Variants in ASIC2 observed in about 807,000 individuals in gnomAD.
ASIC2 encodes acid-sensing ion channel 2.
A neutral mutation model predicts 57.3 loss-of-function variants in ASIC2; 25 were observed. The ratio of observed to expected loss-of-function variants is 0.44; its 90% CI spans 0.32 to 0.61. ASIC2 has a LOEUF of 0.61. Ranked by LOEUF, ASIC2 falls within the 20% of genes least tolerant of loss-of-function variation. The probability of loss-of-function intolerance (pLI) is 0.06; values close to 1 mark genes in which losing one functional copy is unlikely to be tolerated. For missense variants in ASIC2, 641 were observed against 738.1 expected (o/e 0.87, Z 1.52); for synonymous variants, 319 against 307.5 (o/e 1.04, Z -0.39).
chr17:34,022,297 A>G (rs1213074975), intron 1 of ASIC2, among the ~76,000 whole-genome samples: 1 of 152,194 alleles, frequency 6.6e-6, no homozygotes, highest in Non-Finnish European at 1.5e-5. Flanking sequence ...CACCCAAAAC[A>G]TTAATGACAC....
At chr17:33,709,584 C>A (rs1301371663) in intron 1 of ASIC2, among the ~76,000 whole-genome samples, 3 of 152,214 alleles carry the variant, frequency 2.0e-5, no homozygotes, top group African/African-American at 7.2e-5. Flanking sequence ...AAGTAAATTT[C>A]TGTTGTGTAG....
At chr17:33,189,874 T>C (rs780362552) in intron 1 of ASIC2, among the ~76,000 whole-genome samples, 5 of 152,150 alleles carry the variant, frequency 3.3e-5, no homozygotes, top group Non-Finnish European at 7.4e-5. Context: ...TTCTCAACAA[T>C]GTTTATAACA....
intron 1 of ASIC2, among the ~76,000 whole-genome samples, chr17:33,146,039 C>T (rs147799101): frequency 7.2e-5 from 11 of 152,328 alleles, no homozygotes; most frequent in South Asian, 2.1e-4. Context: ...TCTTAGCACC[C>T]GCTATCTTAG....
At position 33,853,920 on chromosome 17, in the gene ASIC2, C is replaced by T. The variant is rs185619952; in HGVS notation, c.555+302058G>A. On this transcript the variant is annotated intron_variant, in intron 1 of 9. Transcript: ENST00000359872. ...TTAAGTTCTCTAGACCTCAGTTCCT[C>T]GTCTCTAAACTTCCCTTGCAGGTCT... 2.2e-4 allele frequency among the ~76,000 whole-genome samples: 33 copies of T among 152,308 alleles called. No individual in the cohort carries two copies. The East Asian group carries it at 2.3e-3, about 11-fold the overall frequency.
chr17:33,872,099 A>G (rs567053041), intron 1 of ASIC2, among the ~76,000 whole-genome samples: 16 of 152,318 alleles, frequency 1.1e-4, no homozygotes, highest in Admixed American at 9.1e-4. Context: ...CCAGCCAGAT[A>G]TCAGCCAGGA....
At chr17:33,825,734 C>T (rs964736) in intron 1 of ASIC2, among the ~76,000 whole-genome samples, 123,586 of 152,160 alleles carry the variant, frequency 0.81, 50,545 homozygotes, top group African/African-American at 0.86. Context: ...CTTTGGACAC[C>T]ATCGAATCTA....
intron 1 of ASIC2, among the ~76,000 whole-genome samples, chr17:33,582,198 C>T (rs1171562521): frequency 6.6e-6 from 1 of 152,152 alleles, no homozygotes; most frequent in East Asian, 1.9e-4. Flanking sequence ...AGGAGACTGT[C>T]ACTTAGGGGA....
intron 1 of ASIC2, among the ~76,000 whole-genome samples, chr17:33,962,434 G>A (rs935738728): frequency 6.6e-6 from 1 of 152,206 alleles, no homozygotes; most frequent in African/African-American, 2.4e-5. Context: ...GGAGGCAGAT[G>A]TTCCAGGAAA....
In ASIC2 at chr17:33,854,018, T is replaced by C. The variant is rs140584223; in HGVS notation, c.555+301960A>G. ...GCCCATCGAAGTTAAAAGTCTAAGA[T>C]CTATGATTTGACAGCTATTCTGGCT... On this transcript the variant is annotated intron_variant, in intron 1 of 9. Coordinates refer to the ASIC2 transcript ENST00000359872. Among the ~76,000 whole-genome samples, 6 of 152,328 alleles carry C rather than the reference T, an allele frequency of 3.9e-5. No homozygotes were observed. The East Asian group carries it at 1.2e-3, about 29-fold the overall frequency.
At chr17:33,713,446 A>G (rs1452253167) in intron 1 of ASIC2, among the ~76,000 whole-genome samples, 1 of 152,050 alleles carries the variant, frequency 6.6e-6, no homozygotes, top group Non-Finnish European at 1.5e-5. Flanking sequence ...CACAAGTTCA[A>G]TCTCTTCTCC....
intron 1 of ASIC2, among the ~76,000 whole-genome samples, chr17:33,640,248 G>A (rs1369098057): frequency 6.6e-6 from 1 of 152,094 alleles, no homozygotes; most frequent in Non-Finnish European, 1.5e-5. Flanking sequence ...TGGGGGCTGA[G>A]GGAGTTTTGG....
intron 1 of ASIC2, among the ~76,000 whole-genome samples, chr17:33,887,760 A>G (rs1029004707): frequency 1.2e-4 from 19 of 152,168 alleles, no homozygotes; most frequent in African/African-American, 4.6e-4. Flanking sequence ...CTTGTTTCTG[A>G]GCTAATCTGG....
At chr17:33,769,954 A>C (rs1911046476) in intron 1 of ASIC2, among the ~76,000 whole-genome samples, 1 of 152,268 alleles carries the variant, frequency 6.6e-6, no homozygotes, top group Admixed American at 6.5e-5. Context: ...GTCACCTCCC[A>C]GTACCATCAT....
At chr17:33,841,195 A>C (rs1913427290) in intron 1 of ASIC2, among the ~76,000 whole-genome samples, 1 of 152,224 alleles carries the variant, frequency 6.6e-6, no homozygotes, top group Non-Finnish European at 1.5e-5. Flanking sequence ...CAAGTTGTTG[A>C]AGATAACTAG....
chr17:33,183,351 T>C (rs1441549682), intron 1 of ASIC2, among the ~76,000 whole-genome samples: 2 of 152,186 alleles, frequency 1.3e-5, no homozygotes, highest in Non-Finnish European at 2.9e-5. Flanking sequence ...ATAATGAATA[T>C]GAGGGGAGTT....
intron 1 of ASIC2, among the ~76,000 whole-genome samples, chr17:33,832,406 T>A (rs1338678505): frequency 6.6e-6 from 1 of 152,236 alleles, no homozygotes; most frequent in Non-Finnish European, 1.5e-5. Flanking sequence ...AGTATATCAA[T>A]GTTAAACACA....
At chr17:33,934,859 T>C (rs1465668223) in intron 1 of ASIC2, among the ~76,000 whole-genome samples, 1 of 152,210 alleles carries the variant, frequency 6.6e-6, no homozygotes, top group Non-Finnish European at 1.5e-5. Flanking sequence ...CCTCAAGCTT[T>C]CCAGCTCCTA....
chr17:33,552,130 T>C (rs1367620074), intron 1 of ASIC2, among the ~76,000 whole-genome samples: 1 of 152,236 alleles, frequency 6.6e-6, no homozygotes, highest in East Asian at 1.9e-4. Context: ...AAGCAGTGTT[T>C]GCAGAGAGTT....
rs763648139 is a variant in ASIC2 at position 33,986,973 on chromosome 17, TG to T, written c.555+169004del. ...TCCAGAGTGTCTCCCTCATTAGCAGTGGCCATAGAATAGCAATAATAGCTAC... is the reference window on the plus strand; with the variant it reads ...TCCAGAGTGTCTCCCTCATTAGCAGTGCCATAGAATAGCAATAATAGCTAC... On this transcript the variant is annotated intron_variant, in intron 1 of 9. Transcript: ENST00000359872. 2.6e-5 allele frequency among the ~76,000 whole-genome samples: 4 copies of T among 152,320 alleles called. No individual in the cohort carries two copies. In the South Asian group the frequency reaches 8.3e-4, roughly 32 times the overall value.
Sources: allele counts gnomAD v4.1 joint callset (sites outside exome capture counted in the v4.1 genomes callset), GRCh38; gene constraint gnomAD v4.1.1; transcripts MANE v1.5; gene names NCBI Gene and HGNC (gene_info 2026-07-23, HGNC 2026-07-21).